The following SSPN variants were observed in gnomAD, a reference collection of about 807,000 sequenced individuals.
The protein encoded by SSPN is K-ras oncogene-associated protein.
SSPN carries 15 observed loss-of-function variants against 19.1 expected under a neutral mutation model. The ratio of observed to expected loss-of-function variants is 0.78; its 90% CI spans 0.52 to 1.21. The LOEUF is 1.21. Among genes scored for constraint, SSPN ranks in the 50% most tolerant of loss-of-function variants. The pLI is 0.00. For missense variants in SSPN, 291 were observed against 314.0 expected (o/e 0.93, Z 0.55); for synonymous variants, 147 against 140.3 (o/e 1.05, Z -0.34).
At chr12:26,122,479 G>GGGCCGCGGC in intron 1 of SSPN, 1 of 1,341,426 alleles carries the variant, frequency 7.5e-7, no homozygotes, top group Non-Finnish European at 9.6e-7. Context: ...AGGCAGAAGG[G>GGGCCGCGGC]GGCCGCGGCG....
chr12:26,129,976 A>C (rs1438771014), intron 1 of SSPN, among the ~76,000 whole-genome samples: 1 of 152,148 alleles, frequency 6.6e-6, no homozygotes, highest in Non-Finnish European at 1.5e-5. Context: ...CAAAGACCAC[A>C]ATAGGAGGAT....
intron 2 of SSPN, among the ~76,000 whole-genome samples, chr12:26,228,626 C>T (rs1180030100): frequency 6.6e-6 from 1 of 150,510 alleles, no homozygotes; most frequent in Non-Finnish European, 1.5e-5. Context: ...TCTCTGCTGG[C>T]TGTACTGGGA....
intron 1 of SSPN, among the ~76,000 whole-genome samples, chr12:26,146,242 G>A (rs978375787): frequency 1.3e-5 from 2 of 152,148 alleles, no homozygotes; most frequent in African/African-American, 4.8e-5. Flanking sequence ...CGAGGCAGAT[G>A]GCCTGAGATG....
intron 1 of SSPN, among the ~76,000 whole-genome samples, chr12:26,153,607 C>T (rs1041500960): frequency 6.6e-6 from 1 of 152,148 alleles, no homozygotes; most frequent in Non-Finnish European, 1.5e-5. Context: ...GGCGGTGACA[C>T]CATTCTGAGC....
chr12:26,125,833 A>C (rs1256390719), intron 1 of SSPN: 1 of 152,150 alleles, frequency 6.6e-6, no homozygotes, highest in Non-Finnish European at 1.5e-5. Flanking sequence ...AGGGGGTGGC[A>C]CGAGAGGGGC....
At chr12:26,218,741 T>G (rs887735136) in intron 1 of SSPN, among the ~76,000 whole-genome samples, 4 of 152,222 alleles carry the variant, frequency 2.6e-5, no homozygotes, top group African/African-American at 9.6e-5. Context: ...AATGTTCTGT[T>G]GCATGTCATT....
At chr12:26,211,071 A>T (rs1473902955) in intron 1 of SSPN, 1 of 152,172 alleles carries the variant, frequency 6.6e-6, no homozygotes, top group African/African-American at 2.4e-5. Context: ...TTGAAAGAGT[A>T]GTACCATTAC....
upstream of SSPN, among the ~76,000 whole-genome samples, chr12:26,191,236 GA>G (rs1944785667): frequency 6.6e-6 from 1 of 152,120 alleles, no homozygotes; most frequent in Non-Finnish European, 1.5e-5. Context: ...ATTACATGTA[GA>G]AAAATTTGGT....
Position 26,198,267 on chromosome 12 carries a change from C to T in SSPN, c.279+2316C>T, listed in dbSNP as rs144579236. 2.5e-3 allele frequency among the ~76,000 whole-genome samples: 378 copies of T among 152,228 alleles called. 2 individuals carry two copies. Among genetic ancestry groups the T allele is most frequent in the African/African-American group, 7.6e-3 (315 of 41,534 alleles). On this transcript the variant is annotated intron_variant, in intron 1 of 2. Coordinates refer to ENST00000242729, the MANE Select transcript of SSPN (RefSeq NM_005086.5). The stretch of plus-strand genomic sequence containing the variant: ...CAACCTCCCCCTCCCAGGTTCAAGA[C>T]GTTCTCGTGCCTCAGCCTCCTAAGT...
intron 1 of SSPN, among the ~76,000 whole-genome samples, chr12:26,144,078 G>A (rs1012661948): frequency 6.6e-6 from 1 of 152,140 alleles, no homozygotes; most frequent in African/African-American, 2.4e-5. Context: ...AATAATAATA[G>A]AAATAAAGTA....
At position 26,231,046 on chromosome 12, in the gene SSPN, G is replaced by A. The variant is rs543594167; in HGVS notation, c.702G>A (p.Thr234=). The change falls in exon 3 of 3, where the codon ACG becomes ACA. Residue 234 remains threonine, a synonymous_variant. Transcript: ENST00000242729. ...TGGGTGTCAGGATATGCTCCCTCAC[G>A]GCTTCCGAAGGCCCCCAGCAAAAGA... The part of the protein sequence containing the change: ...FYVGVRICSL[T]ASEGPQQKI 1.2e-4 allele frequency: 192 copies of A among 1,613,578 alleles called. No individual in the cohort carries two copies. The highest frequency in any genetic ancestry group is 2.9e-4 in the East Asian group (13 of 44,866).
chr12:26,176,730 C>A (rs1362368460), intron 1 of SSPN, among the ~76,000 whole-genome samples: 1 of 152,172 alleles, frequency 6.6e-6, no homozygotes, highest in East Asian at 1.9e-4. Context: ...AACATCGTCT[C>A]CCCCAGTTGC....
intron 1 of SSPN, among the ~76,000 whole-genome samples, chr12:26,207,177 C>A (rs58395664): frequency 0.082 from 12,506 of 152,136 alleles, 976 homozygotes; most frequent in African/African-American, 0.2. Flanking sequence ...AATGTAGAAT[C>A]ATTTTCCAAA....
chr12:26,122,691 G>T, intron 1 of SSPN: 1 of 1,562,144 alleles, frequency 6.4e-7, no homozygotes, highest in South Asian at 1.2e-5. Flanking sequence ...CTTGGGCGCC[G>T]GCGAGTCCTC....
At chr12:26,206,722 C>T (rs1944934319) in intron 1 of SSPN, among the ~76,000 whole-genome samples, 1 of 152,194 alleles carries the variant, frequency 6.6e-6, no homozygotes. Flanking sequence ...TTTCTTCCCA[C>T]AAATACTGTT....
chr12:26,133,939 A>G (rs1056605902), intron 1 of SSPN, among the ~76,000 whole-genome samples: 5 of 152,236 alleles, frequency 3.3e-5, no homozygotes, highest in Admixed American at 2.0e-4. Flanking sequence ...TCCACTGTGT[A>G]TGCCTTCTAT....
chr12:26,191,517 C>A (rs1944787412), upstream of SSPN, among the ~76,000 whole-genome samples: 1 of 152,068 alleles, frequency 6.6e-6, no homozygotes, highest in Non-Finnish European at 1.5e-5. Flanking sequence ...ATAAAGATTG[C>A]ATTGTCCATA....
intron 1 of SSPN, among the ~76,000 whole-genome samples, chr12:26,166,276 TA>T (rs895632847): frequency 2.0e-5 from 3 of 152,012 alleles, no homozygotes; most frequent in African/African-American, 7.2e-5. Flanking sequence ...ATAATAATAA[TA>T]AAAAAAAGTA....
At chr12:26,228,917 G>A (rs927736297) in intron 2 of SSPN, among the ~76,000 whole-genome samples, 1 of 152,014 alleles carries the variant, frequency 6.6e-6, no homozygotes, top group African/African-American at 2.4e-5. Context: ...AGGCTGAGGT[G>A]GGAGGATCAC....
Sources: gnomAD v4.1 joint callset for allele counts (sites outside exome capture counted in the v4.1 genomes callset) on GRCh38, gnomAD v4.1.1 for gene constraint, MANE v1.5 for transcripts, NCBI Gene and HGNC (gene_info 2026-07-23, HGNC 2026-07-21) for gene names.